The following DOCK10 variants were observed in gnomAD, a reference collection of about 807,000 sequenced individuals.
DOCK10 encodes the protein dedicator of cytokinesis 10, also known as dedicator of cytokinesis protein 10.
Under a neutral mutation model 280.1 loss-of-function variants are expected in DOCK10, and 145 were observed. The observed-to-expected ratio is 0.52, with a 90% confidence interval of 0.45 to 0.59. The LOEUF is 0.59. DOCK10 is among the 20% of genes least tolerant of loss of function. The probability of loss-of-function intolerance (pLI) is 0.00; values close to 1 mark genes in which losing one functional copy is unlikely to be tolerated. For synonymous variants in DOCK10, 915 were observed against 942.2 expected (o/e 0.97, Z 0.53); for missense variants, 2,368 against 2,651.7 (o/e 0.89, Z 2.35).
chr2:225,020,880 T>C (rs1252025048), intron 1 of DOCK10, among the ~76,000 whole-genome samples: 4 of 152,226 alleles, frequency 2.6e-5, no homozygotes, highest in Non-Finnish European at 5.9e-5. Context: ...AGAAAATTCA[T>C]AAATGTGATA....
intron 1 of DOCK10, among the ~76,000 whole-genome samples, chr2:224,986,938 T>C (rs868143453): frequency 6.6e-6 from 1 of 152,074 alleles, no homozygotes; most frequent in South Asian, 2.1e-4. Flanking sequence ...TTCCCCCAGG[T>C]TGAATTAACC....
chr2:224,829,389 G>C (rs559688806), intron 27 of DOCK10, among the ~76,000 whole-genome samples: 2 of 152,176 alleles, frequency 1.3e-5, no homozygotes, highest in African/African-American at 2.4e-5. Flanking sequence ...GTATCCTAGT[G>C]GGGGAGGCCA....
intron 5 of DOCK10, 86 bp downstream of exon 5, chr2:224,886,373 A>G: frequency 1.4e-6 from 2 of 1,481,332 alleles, no homozygotes; most frequent in Admixed American, 3.6e-5. Context: ...CTTACAACAA[A>G]CCGGTCAGAA....
intron 47 of DOCK10, among the ~76,000 whole-genome samples, chr2:224,790,837 A>G (rs1010140478): frequency 2.0e-5 from 3 of 152,124 alleles, no homozygotes; most frequent in African/African-American, 7.2e-5. Flanking sequence ...AAAATATCAA[A>G]ATAGAAAAGT....
rs1448683553 is a variant in DOCK10 at position 224,807,781 on chromosome 2, T to C, written c.3589A>G (p.Lys1197Glu). The change falls in exon 33 of 56, where the codon AAG (lysine) becomes GAG (glutamate). Residue 1197 changes from lysine to glutamate, a missense_variant. By Grantham distance (56) the Lys-to-Glu change is moderately conservative. Transcript: ENST00000258390. ...TATAAACTTGCTATCTGGGCCTGCT[T>C]TCTCTAGGAGAAAAGGTAGCCAAAA... Reference protein sequence around the residue: ...SFDDRYREPRKQAQIASLYMP... With the variant: ...SFDDRYREPREQAQIASLYMP... 2 of 1,567,446 alleles carry C rather than the reference T, an allele frequency of 1.3e-6. No homozygotes were observed. Among genetic ancestry groups the C allele is most frequent in the Non-Finnish European group, 1.7e-6 (2 of 1,155,332 alleles).
At chr2:224,785,837 G>A (rs570690815) in intron 50 of DOCK10, among the ~76,000 whole-genome samples, 106 of 152,250 alleles carry the variant, frequency 7.0e-4, no homozygotes, top group African/African-American at 2.4e-3. Context: ...TTTTTCAAAC[G>A]ACTTCAATGG....
chr2:224,998,269 C>T (rs1324797499), intron 1 of DOCK10, among the ~76,000 whole-genome samples: 3 of 150,882 alleles, frequency 2.0e-5, no homozygotes, highest in African/African-American at 7.3e-5. Flanking sequence ...TATTTTGCCT[C>T]TGTTGCTGCT....
intron 33 of DOCK10, 73 bp downstream of exon 33, chr2:224,807,595 C>T (rs1162071874): frequency 1.7e-5 from 18 of 1,035,116 alleles, no homozygotes; most frequent in Non-Finnish European, 2.3e-5. Context: ...AAATGGTTAT[C>T]CAGGGCAAAA....
intron 2 of DOCK10, among the ~76,000 whole-genome samples, chr2:224,922,193 C>CA (rs1287458657): frequency 1.3e-5 from 2 of 150,740 alleles, no homozygotes; most frequent in African/African-American, 4.9e-5. Flanking sequence ...CACTTCTTCT[C>CA]ATTTTAGATC....
At chr2:224,941,547 G>C (rs139340184) in intron 1 of DOCK10, among the ~76,000 whole-genome samples, 1 of 152,038 alleles carries the variant, frequency 6.6e-6, no homozygotes, top group Non-Finnish European at 1.5e-5. Flanking sequence ...GGACCAGGCC[G>C]GGCCTGGTGG....
At chr2:224,910,580 A>T (rs1382087650) in intron 3 of DOCK10, among the ~76,000 whole-genome samples, 2 of 152,166 alleles carry the variant, frequency 1.3e-5, no homozygotes, top group African/African-American at 4.8e-5. Context: ...AATAACAAAC[A>T]TATGTTTGTA....
chr2:224,979,081 G>A (rs142519243), intron 1 of DOCK10, among the ~76,000 whole-genome samples: 210 of 152,234 alleles, frequency 1.4e-3, no homozygotes, highest in African/African-American at 4.7e-3. Context: ...CATTGCAACC[G>A]CTTCCTAATT....
At position 224,833,332 on chromosome 2, in the gene DOCK10, T is replaced by C. The variant is rs192609277; in HGVS notation, c.2964+818A>G. 1.8e-4 allele frequency among the ~76,000 whole-genome samples: 28 copies of C among 152,126 alleles called. 1 individual carries two copies. The highest frequency in any genetic ancestry group is 1.6e-3 in the Admixed American group (25 of 15,292). ...ATCGTCCATCTTTTTTTTTTCTTTC[T>C]GCTCACTTGGCTCCAGCCACAGTGT... On this transcript the variant is annotated intron_variant, in intron 26 of 55. Transcript: ENST00000258390.
chr2:224,916,809 T>C (rs1701355496), intron 2 of DOCK10, 25 bp from the exon 3 acceptor site: 1 of 1,580,648 alleles, frequency 6.3e-7, no homozygotes, highest in Non-Finnish European at 8.6e-7. Flanking sequence ...GAAAAGAAAT[T>C]GAGTCCTCCG....
chr2:224,934,945 A>G (rs1208024199), intron 1 of DOCK10, among the ~76,000 whole-genome samples: 1 of 152,206 alleles, frequency 6.6e-6, no homozygotes, highest in African/African-American at 2.4e-5. Flanking sequence ...GTTATTATGC[A>G]TTAGGGTTGG....
chr2:224,829,181 A>G (rs1312568784), intron 27 of DOCK10, among the ~76,000 whole-genome samples: 1 of 152,244 alleles, frequency 6.6e-6, no homozygotes, highest in Non-Finnish European at 1.5e-5. Flanking sequence ...CCAGAAATGA[A>G]AAGCATCACC....
At chr2:224,943,268 C>T (rs144968500) in intron 1 of DOCK10, among the ~76,000 whole-genome samples, 2,246 of 152,136 alleles carry the variant, frequency 0.015, 68 homozygotes, top group African/African-American at 0.049. Flanking sequence ...AGACAATACA[C>T]TTGAAAATTA....
chr2:224,984,244 G>GGA (rs1256224990), intron 1 of DOCK10, among the ~76,000 whole-genome samples: 1 of 152,240 alleles, frequency 6.6e-6, no homozygotes, highest in Non-Finnish European at 1.5e-5. Context: ...GTTAGAAACT[G>GGA]GAGAGAGAAG....
At chr2:224,919,744 G>A (rs148592242) in intron 2 of DOCK10, among the ~76,000 whole-genome samples, 86 of 152,148 alleles carry the variant, frequency 5.7e-4, no homozygotes, top group Non-Finnish European at 9.4e-4. Context: ...CGGGAAGCAC[G>A]GGGTTTGTAT....
Sources: gnomAD v4.1 joint callset for allele counts (sites outside exome capture counted in the v4.1 genomes callset) on GRCh38, gnomAD v4.1.1 for gene constraint, MANE v1.5 for transcripts, NCBI Gene and HGNC (gene_info 2026-07-23, HGNC 2026-07-21) for gene names.